ERBB4: variants seen among roughly 807,000 people sequenced by gnomAD.
ERBB4 encodes the protein receptor tyrosine-protein kinase erbB-4.
ERBB4 carries 42 observed loss-of-function variants against 158.0 expected under a neutral mutation model. The ratio of observed to expected loss-of-function variants is 0.27; its 90% confidence interval spans 0.21 to 0.34. The LOEUF (loss-of-function observed/expected upper bound fraction) is 0.34. ERBB4 is among the 10% of genes least tolerant of loss of function. The probability of loss-of-function intolerance (pLI) is 1.00; values close to 1 mark genes in which losing one functional copy is unlikely to be tolerated. For missense variants in ERBB4, 1,333 were observed against 1,624.1 expected (o/e 0.82, Z 3.08); for synonymous variants, 583 against 558.7 (o/e 1.04, Z -0.61).
At chr2:211,426,174 A>T (rs1024309229) in intron 22 of ERBB4, among the ~76,000 whole-genome samples, 1 of 152,208 alleles carries the variant, frequency 6.6e-6, no homozygotes, top group African/African-American at 2.4e-5. Flanking sequence ...TTCTTCTGAT[A>T]ATAATCCAAT....
chr2:211,556,830 T>C (rs757769139), intron 20 of ERBB4, among the ~76,000 whole-genome samples: 30 of 152,146 alleles, frequency 2.0e-4, no homozygotes, highest in African/African-American at 2.7e-4. Flanking sequence ...AGAACAAGGC[T>C]GGAGGCACCA....
At chr2:212,163,904 T>C (rs1315582537) in intron 1 of ERBB4, among the ~76,000 whole-genome samples, 2 of 152,056 alleles carry the variant, frequency 1.3e-5, no homozygotes, top group Non-Finnish European at 2.9e-5. Context: ...GCAATTCTCC[T>C]GTCTTGGCCT....
At position 211,455,627 on chromosome 2, in the gene ERBB4, ATAT is replaced by A. The variant is rs567729920; in HGVS notation, c.2488-24530_2488-24528del. On this transcript the variant is annotated intron_variant, in intron 20 of 27. Transcript: ENST00000342788. Reference sequence around the variant, plus strand: ...AAGAATCAAAATGACAAAACAGTTCATATTATGTTTTCTCCCTTAGCTTGTTCT... The same window carrying A: ...AAGAATCAAAATGACAAAACAGTTCATATGTTTTCTCCCTTAGCTTGTTCT... Among the ~76,000 whole-genome samples, 10 of 152,290 alleles carry A rather than the reference ATAT, an allele frequency of 6.6e-5. No homozygotes were observed. The East Asian group carries it at 1.9e-3, about 29-fold the overall frequency.
At position 212,302,008 on chromosome 2, in the gene ERBB4, C is replaced by T. The variant is rs78432096; in HGVS notation, c.83-177105G>A. On this transcript the variant is annotated intron_variant, in intron 1 of 27. Transcript: ENST00000342788. Reference sequence around the variant, plus strand: ...GGATATAAGACATACTTGACCAATACTGTGCCTTGTTGCTTTTGATACACT... The same window carrying T: ...GGATATAAGACATACTTGACCAATATTGTGCCTTGTTGCTTTTGATACACT... Among the ~76,000 whole-genome samples the T allele has an allele frequency of 5.2e-3, 795 of 151,524 alleles. 4 individuals are homozygous for T. Among genetic ancestry groups the T allele is most frequent in the Middle Eastern group, 0.017 (5 of 294 alleles).
At chr2:211,751,817 AAG>A (rs1453009825) in intron 4 of ERBB4, among the ~76,000 whole-genome samples, 1 of 152,190 alleles carries the variant, frequency 6.6e-6, no homozygotes, top group African/African-American at 2.4e-5. Context: ...GTACACGGTT[AAG>A]ATGCAGATTC....
intron 1 of ERBB4, among the ~76,000 whole-genome samples, chr2:212,272,818 GA>G (rs961394801): frequency 1.7e-4 from 26 of 151,320 alleles, no homozygotes; most frequent in East Asian, 1.4e-3. Flanking sequence ...ATGAAATTAA[GA>G]AAAAAATCAA....
intron 18 of ERBB4, among the ~76,000 whole-genome samples, chr2:211,622,907 G>A (rs773686864): frequency 3.0e-5 from 4 of 134,836 alleles, no homozygotes; most frequent in Non-Finnish European, 6.2e-5. Flanking sequence ...AGGTTGCAGT[G>A]AGTGGAGATC....
intron 20 of ERBB4, among the ~76,000 whole-genome samples, chr2:211,530,579 C>T (rs779049505): frequency 6.6e-6 from 1 of 152,098 alleles, no homozygotes; most frequent in Non-Finnish European, 1.5e-5. Flanking sequence ...GAAGGAATCA[C>T]ATTACCTGAC....
At chr2:212,140,139 A>G (rs2080403982) in intron 1 of ERBB4, among the ~76,000 whole-genome samples, 1 of 151,618 alleles carries the variant, frequency 6.6e-6, no homozygotes, top group Admixed American at 6.6e-5. Context: ...AACAAGATCC[A>G]TGCAGTTGCA....
chr2:211,934,629 C>T (rs2080262715), intron 3 of ERBB4, among the ~76,000 whole-genome samples: 2 of 151,814 alleles, frequency 1.3e-5, no homozygotes, highest in Admixed American at 6.6e-5. Context: ...TAGAAGACAT[C>T]ACCCCATGAG....
chr2:211,944,979 C>T lies in ERBB4; in HGVS notation c.421+2451G>A, dbSNP rs960626210. Among the ~76,000 whole-genome samples the T allele has an allele frequency of 1.6e-4, 25 of 152,086 alleles. 1 individual carries two copies. Among genetic ancestry groups the T allele is most frequent in the Admixed American group, 1.4e-3 (22 of 15,258 alleles). ...TATACCAGGTATAAAAAATTAAGGC[C>T]AGTCCAGTAGCTCTGCACTTAATAG... On this transcript the variant is annotated intron_variant, in intron 3 of 27. Coordinates refer to ENST00000342788, the MANE Select transcript of ERBB4 (RefSeq NM_005235.3).
intron 2 of ERBB4, among the ~76,000 whole-genome samples, chr2:212,073,534 C>A (rs1296050559): frequency 2.0e-5 from 3 of 151,886 alleles, no homozygotes; most frequent in African/African-American, 7.2e-5. Context: ...AGTCACCCTG[C>A]AGGGAGTGAG....
intron 20 of ERBB4, among the ~76,000 whole-genome samples, chr2:211,436,208 T>C (rs1039714061): frequency 1.2e-4 from 18 of 152,242 alleles, no homozygotes; most frequent in African/African-American, 4.1e-4. Context: ...CAGGACATAA[T>C]GCAAGTGATT....
intron 12 of ERBB4, 35 bp from the exon 13 acceptor site, chr2:211,679,219 G>A (rs2105960543): frequency 6.2e-7 from 1 of 1,610,910 alleles, no homozygotes; most frequent in Non-Finnish European, 8.5e-7. Context: ...AAATAAAACA[G>A]AGGATTGTGT....
At chr2:211,855,890 G>T (rs1362088133) in intron 3 of ERBB4, among the ~76,000 whole-genome samples, 1 of 152,106 alleles carries the variant, frequency 6.6e-6, no homozygotes, top group Non-Finnish European at 1.5e-5. Context: ...ATAATTTGCA[G>T]ATAAGATACT....
At chr2:212,118,294 C>T (rs2079632888) in intron 2 of ERBB4, among the ~76,000 whole-genome samples, 1 of 152,172 alleles carries the variant, frequency 6.6e-6, no homozygotes. Flanking sequence ...CTTGTTGCAA[C>T]TTGAAACTCA....
intron 1 of ERBB4, among the ~76,000 whole-genome samples, chr2:212,348,799 A>C (rs1328256678): frequency 1.3e-5 from 2 of 152,110 alleles, no homozygotes; most frequent in African/African-American, 4.8e-5. Flanking sequence ...CCTGCTTTTA[A>C]AAAACGATTC....
intron 2 of ERBB4, among the ~76,000 whole-genome samples, chr2:212,075,634 A>G (rs2078251698): frequency 6.6e-6 from 1 of 151,670 alleles, no homozygotes; most frequent in South Asian, 2.1e-4. Flanking sequence ...TTAAATAATT[A>G]TATGGTTTAT....
chr2:211,558,177 T>A (rs60112688), intron 20 of ERBB4, among the ~76,000 whole-genome samples: 8,712 of 152,220 alleles, frequency 0.057, 811 homozygotes, highest in African/African-American at 0.2. Flanking sequence ...AAGTCCATAA[T>A]CAGTTTCACC....
Sources: gnomAD v4.1 joint callset for allele counts (sites outside exome capture counted in the v4.1 genomes callset) on GRCh38, gnomAD v4.1.1 for gene constraint, MANE v1.5 for transcripts, NCBI Gene and HGNC (gene_info 2026-07-23, HGNC 2026-07-21) for gene names.